The following ATP2C2 variants were observed in gnomAD, a reference collection of about 807,000 sequenced individuals.
ATP2C2 encodes calcium-transporting ATPase type 2C member 2.
Under a neutral mutation model 110.8 loss-of-function variants are expected in ATP2C2, and 171 were observed. The ratio of observed to expected loss-of-function variants is 1.54; its 90% CI spans 1.36 to 1.75. The LOEUF (loss-of-function observed/expected upper bound fraction) is 1.75, where lower values mean the gene tolerates loss of function less well. Ranked by LOEUF, ATP2C2 falls within the 40% of genes most tolerant of loss-of-function variation. The pLI, the probability that ATP2C2 is intolerant of heterozygous loss-of-function variation, is 0.00. For synonymous variants in ATP2C2, 804 were observed against 508.4 expected (o/e 1.58, Z -7.82); for missense variants, 1,963 against 1,235.0 (o/e 1.59, Z -8.84).
At position 84,422,519 on chromosome 16, in the gene ATP2C2, G is replaced by T. The variant is rs752270464; in HGVS notation, c.754G>T (p.Val252Leu). ...CAACATCGTCTTCATGGGGACCCTG[G>T]TGCAGTATGGGAGGGGCCAGGTAAG... ...LSNIVFMGTLVQYGRGQGVVI... is the reference protein window; with the variant it reads ...LSNIVFMGTLLQYGRGQGVVI... Residue 252 changes from valine to leucine, a missense_variant, in exon 8 of 27, where the codon GTG (valine) becomes TTG (leucine). Coordinates refer to ENST00000262429, the MANE Select transcript of ATP2C2 (RefSeq NM_014861.4). The T allele has an allele frequency of 1.2e-6, 2 of 1,614,104 alleles. No individual in the cohort carries two copies. The highest frequency in any genetic ancestry group is 4.5e-5 in the East Asian group (2 of 44,882).
chr16:84,436,981 C>T (rs1368826500), intron 11 of ATP2C2, among the ~76,000 whole-genome samples: 5 of 152,040 alleles, frequency 3.3e-5, no homozygotes, highest in African/African-American at 9.7e-5. Context: ...AGGCTGGTGT[C>T]GAACTCCCGA....
rs199818138 is a variant in ATP2C2 at position 84,452,046 on chromosome 16, G to C, written c.1786G>C (p.Val596Leu). 9.1e-5 allele frequency: 147 copies of C among 1,613,898 alleles called. No individual in the cohort carries two copies. In the African/African-American group the frequency reaches 1.7e-3, roughly 18 times the overall value. ...VQVLSESGVSVKMITGDALET... is the reference protein window; with the variant it reads ...VQVLSESGVSLKMITGDALET... ...GGTTCTCTCCGAGTCTGGTGTGTCT[G>C]TGAAGATGATAACGGGGGATGCCCT... Residue 596 changes from valine to leucine, a missense_variant, in exon 18 of 27, where the codon GTG (valine) becomes CTG (leucine). Transcript: ENST00000262429.
intron 26 of ATP2C2, 66 bp downstream of exon 26, chr16:84,462,195 G>A: frequency 6.4e-7 from 1 of 1,565,898 alleles, no homozygotes; most frequent in South Asian, 1.2e-5. Context: ...CAGCTGCCAG[G>A]TGGGGAGCTG....
At chr16:84,455,737 C>T (rs375852623) in intron 21 of ATP2C2, among the ~76,000 whole-genome samples, 5 of 129,188 alleles carry the variant, frequency 3.9e-5, no homozygotes, top group African/African-American at 1.1e-4. Flanking sequence ...CCATAGGAAG[C>T]CTTAACACAC....
chr16:84,455,080 C>A lies in ATP2C2; in HGVS notation c.2147+96C>A, dbSNP rs967106971. On this transcript the variant is annotated intron_variant, in intron 21 of 26. Coordinates refer to ENST00000262429, the MANE Select transcript of ATP2C2 (RefSeq NM_014861.4). ...CTACTGTGGAGATAGAGGGGGGGGT[C>A]TCGCGGAGTCCCCAGGGAGAGCTGA... 47 of 1,352,562 alleles carry A rather than the reference C, an allele frequency of 3.5e-5. 1 individual carries two copies. Among genetic ancestry groups the A allele is most frequent in the Non-Finnish European group, 4.4e-5 (44 of 1,003,752 alleles). The allele number at this position is 1,352,562 out of a possible 1,614,324, so 83.8% of individuals were successfully genotyped here. A position where few individuals can be genotyped will look rare whatever the true frequency, so the allele number is the denominator to read the frequency against.
intron 7 of ATP2C2, among the ~76,000 whole-genome samples, 154 bp from the exon 8 acceptor site, chr16:84,422,236 G>A (rs535631037): frequency 1.8e-4 from 27 of 152,144 alleles, no homozygotes; most frequent in African/African-American, 5.5e-4. Context: ...TCTGATCCTG[G>A]AGGCCTCAGA....
intron 21 of ATP2C2, among the ~76,000 whole-genome samples, chr16:84,456,045 G>C (rs983368571): frequency 1.3e-4 from 13 of 100,948 alleles, no homozygotes; most frequent in Non-Finnish European, 2.6e-4. Context: ...TTTTATTGAG[G>C]ATTTTTGCAT....
chr16:84,406,494 T>C, intron 3 of ATP2C2: 1 of 714,922 alleles, frequency 1.4e-6, no homozygotes, highest in Non-Finnish European at 1.7e-6. Flanking sequence ...TGTTTACAGC[T>C]TCCTCCATTG....
intron 7 of ATP2C2, among the ~76,000 whole-genome samples, chr16:84,422,111 C>T (rs1158507553): frequency 6.6e-6 from 1 of 152,122 alleles, no homozygotes; most frequent in East Asian, 1.9e-4. Flanking sequence ...AAAGGTATAT[C>T]CTAAAATAGC....
At chr16:84,396,278 G>A (rs950634113) in intron 1 of ATP2C2, among the ~76,000 whole-genome samples, 14 of 151,978 alleles carry the variant, frequency 9.2e-5, no homozygotes, top group Non-Finnish European at 4.4e-5. Flanking sequence ...AGGTGCAGTG[G>A]CTCACGCCTG....
chr16:84,445,938 C>T (rs987416402), intron 15 of ATP2C2, among the ~76,000 whole-genome samples: 1 of 152,174 alleles, frequency 6.6e-6, no homozygotes, highest in African/African-American at 2.4e-5. Context: ...TGGCAAGGAC[C>T]CCAGGCTGTG....
chr16:84,414,782 C>G (rs72804697), intron 6 of ATP2C2, among the ~76,000 whole-genome samples: 39,192 of 152,062 alleles, frequency 0.26, 6,213 homozygotes, highest in Middle Eastern at 0.38. Context: ...GAGATGGGAG[C>G]TGCAGGAGGC....
intron 24 of ATP2C2, chr16:84,461,277 C>A: frequency 3.4e-6 from 1 of 294,838 alleles, no homozygotes; most frequent in South Asian, 4.4e-5. Context: ...CATGTGACCA[C>A]ACCACAGATT....
At chr16:84,423,413 G>A in intron 10 of ATP2C2, 150 bp downstream of exon 10, 1 of 716,328 alleles carries the variant, frequency 1.4e-6, no homozygotes, top group South Asian at 1.8e-5. Flanking sequence ...AGCAACAAGA[G>A]CTTTCTGTAT....
In ATP2C2 at chr16:84,448,694, G is replaced by A. The variant is rs765593636; in HGVS notation, c.1660+5G>A. 1.9e-6 allele frequency: 3 copies of A among 1,608,640 alleles called. No homozygotes were observed. Among genetic ancestry groups the A allele is most frequent in the South Asian group, 1.1e-5 (1 of 90,542 alleles). On this transcript the variant is annotated splice_donor_5th_base_variant and intron_variant, in intron 17 of 26. Transcript: ENST00000262429. ...TGGGGTCGCTCGGTTTGCGGGGTCAGTGCCTGTGGTCCCGGCCCAGAGCTT... is the reference window on the plus strand; with the variant it reads ...TGGGGTCGCTCGGTTTGCGGGGTCAATGCCTGTGGTCCCGGCCCAGAGCTT...
chr16:84,384,527 G>C (rs756480360), intron 1 of ATP2C2, among the ~76,000 whole-genome samples: 1 of 152,186 alleles, frequency 6.6e-6, no homozygotes, highest in African/African-American at 2.4e-5. Context: ...TTAAGACAGC[G>C]TCTGCCAGGT....
chr16:84,404,708 C>G, intron 2 of ATP2C2: 1 of 352,218 alleles, frequency 2.8e-6, no homozygotes, highest in South Asian at 2.3e-5. Flanking sequence ...TGGGTATATA[C>G]CCCAAAGTGG....
At chr16:84,446,262 G>C in intron 15 of ATP2C2, 67 bp from the exon 16 acceptor site, 1 of 897,120 alleles carries the variant, frequency 1.1e-6, no homozygotes, top group Non-Finnish European at 1.6e-6. Context: ...TAATTTAAAT[G>C]GACTGAGCTT....
At chr16:84,441,820 C>A (rs1307206794) in intron 14 of ATP2C2, among the ~76,000 whole-genome samples, 2 of 151,988 alleles carry the variant, frequency 1.3e-5, no homozygotes, top group Non-Finnish European at 2.9e-5. Context: ...TACTCAGGAG[C>A]CTGAGACAGG....
Sources: gnomAD v4.1 joint callset for allele counts (sites outside exome capture counted in the v4.1 genomes callset) on GRCh38, gnomAD v4.1.1 for gene constraint, MANE v1.5 for transcripts, NCBI Gene and HGNC (gene_info 2026-07-23, HGNC 2026-07-21) for gene names.